The following RAB9B variants were observed in gnomAD, a reference collection of about 807,000 sequenced individuals.
RAB9B encodes the protein RAB9B, member RAS oncogene family, also known as ras-related protein Rab-9B.
Under a neutral mutation model 8.9 loss-of-function variants are expected in RAB9B, and 1 was observed. The ratio of observed to expected loss-of-function variants is 0.11; its 90% CI spans 0.04 to 0.53. The LOEUF is 0.53. Ranked by LOEUF, RAB9B falls within the 20% of genes least tolerant of loss-of-function variation. The probability of loss-of-function intolerance (pLI) is 0.93; values close to 1 mark genes in which losing one functional copy is unlikely to be tolerated. For synonymous variants in RAB9B, 63 were observed against 57.0 expected, an observed-to-expected ratio of 1.10 and a Z score of -0.47; for missense variants, 82 against 152.9, an observed-to-expected ratio of 0.54 and a Z score of 2.45.
chrX:103,827,451 C>T (rs774580260), intron 1 of RAB9B, among the ~76,000 whole-genome samples: 2 of 111,089 alleles, frequency 1.8e-5, no homozygotes, highest in African/African-American at 3.3e-5. Context: ...AATCCTAAGT[C>T]GGAGATGAAA....
chrX:103,783,409 G>A, the RAB9B span, among the ~76,000 whole-genome samples: 1 of 112,470 alleles, frequency 8.9e-6, no homozygotes, highest in African/African-American at 3.2e-5. Flanking sequence ...CTTGGAAAAG[G>A]AAGTTCTGCT....
At chrX:103,778,179 T>C in the RAB9B span, among the ~76,000 whole-genome samples, 5 of 112,163 alleles carry the variant, frequency 4.5e-5, no homozygotes, top group Non-Finnish European at 9.4e-5. Flanking sequence ...ATCTGGAAAA[T>C]GGGGACAGCA....
At chrX:103,814,977 G>T in the RAB9B span, among the ~76,000 whole-genome samples, 1 of 111,945 alleles carries the variant, frequency 8.9e-6, no homozygotes, top group Non-Finnish European at 1.9e-5. Flanking sequence ...TCCAGGACTA[G>T]ATGGATTCAC....
At chrX:103,785,676 T>C in the RAB9B span, 2 of 1,210,145 alleles carry the variant, frequency 1.7e-6, no homozygotes, top group African/African-American at 3.5e-5. Flanking sequence ...CACTGTTCTG[T>C]GGCTGTGGAC....
At chrX:103,832,029 C>T (rs2074706236) in intron 1 of RAB9B, 31 bp downstream of exon 1, 1 of 112,633 alleles carries the variant, frequency 8.9e-6, no homozygotes, top group African/African-American at 3.2e-5. Context: ...AGCCCCTAGC[C>T]CCTGTTCCTG....
chrX:103,820,307 G>C (rs1368180251), downstream of RAB9B, among the ~76,000 whole-genome samples: 1 of 111,877 alleles, frequency 8.9e-6, no homozygotes, highest in Non-Finnish European at 1.9e-5. Context: ...CATTTCCACA[G>C]CAAAGAGAGA....
chrX:103,789,209 T>C, the RAB9B span: 5 of 590,210 alleles, frequency 8.5e-6, no homozygotes, highest in African/African-American at 4.4e-5. Flanking sequence ...AAAACTTAGT[T>C]AGAGATGTGG....
chrX:103,788,354 G>T, the RAB9B span: 1 of 698,799 alleles, frequency 1.4e-6, no homozygotes, highest in Non-Finnish European at 2.3e-6. Context: ...ATTAGAGATG[G>T]AAGAAGGGCT....
the RAB9B span, chrX:103,789,415 T>G: frequency 8.6e-7 from 1 of 1,161,169 alleles, no homozygotes; most frequent in Admixed American, 2.2e-5. Context: ...TGACTTTGAA[T>G]GATCTTGGCA....
At chrX:103,785,491 G>A in the RAB9B span, 6 of 817,565 alleles carry the variant, frequency 7.3e-6, no homozygotes, top group Non-Finnish European at 1.1e-5. Flanking sequence ...CACTATCTCC[G>A]AGCCTGTGAG....
In RAB9B at chrX:103,825,520, C is replaced by T. The variant is rs181295698; in HGVS notation, c.265G>A (p.Val89Met). 2.8e-5 allele frequency: 34 copies of T among 1,209,958 alleles called. No homozygotes were observed. The East Asian group carries it at 8.9e-4, about 32-fold the overall frequency. Residue 89 changes from valine (V) to methionine (M), a missense_variant, in exon 3 of 3, where the codon GTG (valine) becomes ATG (methionine). Transcript: ENST00000243298. The part of the protein sequence containing the change: ...GADCCLLTFS[V>M]DDRQSFENLG... ...TTCTCGAAGCTCTGCCGATCATCCA[C>T]GCTGAAGGTCAAGAGGCAGCAGTCT... is the stretch of plus-strand genomic sequence containing the variant.
the RAB9B span, chrX:103,781,155 T>C: frequency 6.4e-3 from 1,556 of 242,984 alleles, 30 homozygotes; most frequent in African/African-American, 0.042. Flanking sequence ...CTTTGATGAG[T>C]TCCCAGATTC....
Position 103,825,432 on chromosome X carries a change from G to T in RAB9B, c.353C>A (p.Pro118His), listed in dbSNP as rs760039495. 1 of 1,211,710 alleles carries T rather than the reference G, an allele frequency of 8.3e-7. No homozygotes were observed. The highest frequency in any genetic ancestry group is 1.8e-5 in the South Asian group (1 of 56,977). Residue 118 changes from proline (P) to histidine (H), a missense_variant, in exon 3 of 3, where the codon CCC becomes CAC. By Grantham distance (77) the Pro-to-His change is moderately conservative. Coordinates refer to ENST00000243298, the MANE Select transcript of RAB9B (RefSeq NM_016370.4). ...TACCTTGTTACCCAGAACTACAAAG[G>T]GGAAATGCTCAGGGTCCTTCACATC... is the stretch of plus-strand genomic sequence containing the variant. ...YADVKDPEHF[P>H]FVVLGNKVDK...
the RAB9B span, among the ~76,000 whole-genome samples, chrX:103,801,294 C>T: frequency 9.0e-6 from 1 of 110,848 alleles, no homozygotes; most frequent in Non-Finnish European, 1.9e-5. Flanking sequence ...CTTATTGCTC[C>T]AATCCCCTCC....
the RAB9B span, among the ~76,000 whole-genome samples, chrX:103,814,384 A>G: frequency 8.9e-6 from 1 of 111,964 alleles, no homozygotes; most frequent in South Asian, 3.7e-4. Flanking sequence ...GTTCTTTGAA[A>G]CCAATGAGAA....
the RAB9B span, among the ~76,000 whole-genome samples, chrX:103,804,921 T>G: frequency 1.8e-5 from 2 of 111,873 alleles, no homozygotes; most frequent in Non-Finnish European, 3.8e-5. Flanking sequence ...TTACAATTTT[T>G]TAATATATAA....
the RAB9B span, among the ~76,000 whole-genome samples, chrX:103,809,236 C>T: frequency 2.0e-4 from 22 of 112,163 alleles, no homozygotes; most frequent in Non-Finnish European, 3.8e-4. Context: ...GTAAAAGGGC[C>T]CTCTGGAGAG....
chrX:103,825,925 A>T lies in RAB9B; in HGVS notation c.-42-99T>A, dbSNP rs918429372. The T allele has an allele frequency of 4.9e-6, 3 of 611,951 alleles. No individual in the cohort carries two copies. In the African/African-American group the frequency reaches 6.8e-5, roughly 14 times the overall value. The allele number at this position is 611,951 out of a possible 1,213,427, so 50.4% of individuals were successfully genotyped here. A position where few individuals can be genotyped will look rare whatever the true frequency, so the allele number is the denominator to read the frequency against. ...CTGAATTATAAGGCCTTCTCATTCAACTTCTCTGATTTATGCTCATTAATT... is the reference window on the plus strand; with the variant it reads ...CTGAATTATAAGGCCTTCTCATTCATCTTCTCTGATTTATGCTCATTAATT... On this transcript the variant is annotated intron_variant, in intron 2 of 2. Coordinates refer to ENST00000243298, the MANE Select transcript of RAB9B (RefSeq NM_016370.4).
At chrX:103,797,258 T>A in the RAB9B span, among the ~76,000 whole-genome samples, 5 of 109,280 alleles carry the variant, frequency 4.6e-5, no homozygotes, top group African/African-American at 1.3e-4. Context: ...AGTGCTAATT[T>A]AAAAAAAATT....
Sources: allele counts gnomAD v4.1 joint callset (sites outside exome capture counted in the v4.1 genomes callset), GRCh38; gene constraint gnomAD v4.1.1; transcripts MANE v1.5; gene names NCBI Gene and HGNC (gene_info 2026-07-23, HGNC 2026-07-21).